The following CNTNAP2 variants were observed in gnomAD, a reference collection of about 807,000 sequenced individuals.
CNTNAP2 encodes contactin associated protein 2.
In CNTNAP2, 98 loss-of-function variants were observed where a neutral mutation model predicts 155.2. The observed-to-expected ratio is 0.63, with a 90% CI of 0.54 to 0.75. The LOEUF is 0.75. Ranked by LOEUF, CNTNAP2 falls within the 30% of genes least tolerant of loss-of-function variation. The pLI is 0.00. For synonymous variants in CNTNAP2, 651 were observed against 631.2 expected (o/e 1.03, Z -0.47); for missense variants, 1,727 against 1,688.1 (o/e 1.02, Z -0.40).
At chr7:147,273,769 A>G (rs1584836416) in intron 8 of CNTNAP2, among the ~76,000 whole-genome samples, 1 of 147,006 alleles carries the variant, frequency 6.8e-6, no homozygotes, top group Non-Finnish European at 1.5e-5. Flanking sequence ...TATTTTATAC[A>G]TATATATTTA....
At chr7:147,359,978 A>C (rs2116893814) in intron 9 of CNTNAP2, among the ~76,000 whole-genome samples, 1 of 152,296 alleles carries the variant, frequency 6.6e-6, no homozygotes, top group African/African-American at 2.4e-5. Context: ...GAAAGTTCAA[A>C]GAATTTTGTC....
At chr7:147,506,672 C>T (rs759402921) in intron 11 of CNTNAP2, among the ~76,000 whole-genome samples, 2 of 152,132 alleles carry the variant, frequency 1.3e-5, no homozygotes, top group Non-Finnish European at 2.9e-5. Flanking sequence ...TAGTTAGTTG[C>T]CCGGAAGGTG....
chr7:147,185,678 T>C (rs749442852), intron 8 of CNTNAP2, among the ~76,000 whole-genome samples: 8 of 152,190 alleles, frequency 5.3e-5, no homozygotes, highest in Admixed American at 2.0e-4. Context: ...ACTATTTTTA[T>C]AAAACTCAAA....
intron 10 of CNTNAP2, among the ~76,000 whole-genome samples, chr7:147,446,935 G>A (rs1411063340): frequency 6.6e-6 from 1 of 152,184 alleles, no homozygotes; most frequent in Non-Finnish European, 1.5e-5. Context: ...GATGGTTTAT[G>A]GATGAAGAGA....
chr7:146,516,042 C>A (rs79074833), intron 1 of CNTNAP2, among the ~76,000 whole-genome samples: 9,781 of 151,986 alleles, frequency 0.064, 775 homozygotes, highest in African/African-American at 0.19. Context: ...AATCTTAACA[C>A]CACATTTTTT....
chr7:147,131,148 G>GTT (rs1257258651), intron 7 of CNTNAP2, among the ~76,000 whole-genome samples: 1 of 145,344 alleles, frequency 6.9e-6, no homozygotes, highest in African/African-American at 2.6e-5. Flanking sequence ...ACATATACAT[G>GTT]TACCATATAC....
chr7:148,181,664 C>G (rs2116704432), intron 18 of CNTNAP2, among the ~76,000 whole-genome samples: 1 of 142,932 alleles, frequency 7.0e-6, no homozygotes, highest in South Asian at 2.2e-4. Flanking sequence ...GTAAACTGTT[C>G]TAAATCTAAT....
intron 1 of CNTNAP2, among the ~76,000 whole-genome samples, chr7:146,293,158 A>T (rs1800459328): frequency 6.6e-6 from 1 of 152,170 alleles, no homozygotes; most frequent in South Asian, 2.1e-4. Flanking sequence ...AAATGAAATA[A>T]AATTGGATTT....
At chr7:146,890,628 A>G (rs1795755681) in intron 3 of CNTNAP2, among the ~76,000 whole-genome samples, 1 of 152,214 alleles carries the variant, frequency 6.6e-6, no homozygotes, top group African/African-American at 2.4e-5. Flanking sequence ...ATCATGAGCT[A>G]AAAAACAAGT....
chr7:146,594,724 C>T (rs1015250094), intron 1 of CNTNAP2, among the ~76,000 whole-genome samples: 12 of 152,030 alleles, frequency 7.9e-5, no homozygotes, highest in Non-Finnish European at 2.9e-5. Flanking sequence ...TGTAATTTTG[C>T]GTCCTCTCAT....
chr7:146,384,559 A>G (rs1795433970), intron 1 of CNTNAP2, among the ~76,000 whole-genome samples: 1 of 152,232 alleles, frequency 6.6e-6, no homozygotes, highest in Non-Finnish European at 1.5e-5. Context: ...GTAGTTAAAT[A>G]TTTGAAAATA....
At chr7:146,979,646 G>C (rs1797976530) in intron 3 of CNTNAP2, among the ~76,000 whole-genome samples, 1 of 152,142 alleles carries the variant, frequency 6.6e-6, no homozygotes, top group African/African-American at 2.4e-5. Flanking sequence ...TATGAGCAGT[G>C]TTGAGCCATA....
intron 13 of CNTNAP2, among the ~76,000 whole-genome samples, chr7:147,685,658 A>T (rs1048766439): frequency 6.6e-6 from 1 of 152,008 alleles, no homozygotes; most frequent in African/African-American, 2.4e-5. Context: ...AGGGGGAATA[A>T]AAAAACAGAA....
At chr7:147,415,871 G>T (rs937539688) in intron 10 of CNTNAP2, among the ~76,000 whole-genome samples, 3 of 152,148 alleles carry the variant, frequency 2.0e-5, no homozygotes, top group Non-Finnish European at 2.9e-5. Flanking sequence ...AAGGTGCATG[G>T]TCACCTTACC....
intron 1 of CNTNAP2, among the ~76,000 whole-genome samples, chr7:146,615,730 G>T (rs1360733844): frequency 6.6e-6 from 1 of 152,174 alleles, no homozygotes; most frequent in East Asian, 1.9e-4. Context: ...CAGCTTTGTG[G>T]ATCAATATCC....
chr7:146,653,392 G>A (rs1246969270), intron 1 of CNTNAP2, among the ~76,000 whole-genome samples: 2 of 152,104 alleles, frequency 1.3e-5, no homozygotes, highest in African/African-American at 2.4e-5. Context: ...TAGCGAACAA[G>A]ACATTCATGG....
chr7:148,184,108 T>C (rs1331824278), intron 18 of CNTNAP2, among the ~76,000 whole-genome samples: 3 of 152,134 alleles, frequency 2.0e-5, no homozygotes, highest in African/African-American at 4.8e-5. Context: ...AAAGATAACT[T>C]TAAAGATACA....
chr7:147,516,605 A>G (rs1197726328), intron 11 of CNTNAP2, among the ~76,000 whole-genome samples: 2 of 114,670 alleles, frequency 1.7e-5, no homozygotes, highest in Non-Finnish European at 3.7e-5. Context: ...TGTATGAGAC[A>G]GAGAGAGAGA....
intron 22 of CNTNAP2, among the ~76,000 whole-genome samples, chr7:148,403,184 C>T (rs1799628520): frequency 6.6e-6 from 1 of 150,552 alleles, no homozygotes; most frequent in African/African-American, 2.5e-5. Flanking sequence ...CTCCCATCAT[C>T]AATTCCTCCA....
Sources: allele counts gnomAD v4.1 joint callset (sites outside exome capture counted in the v4.1 genomes callset), GRCh38; gene constraint gnomAD v4.1.1; transcripts MANE v1.5; gene names NCBI Gene and HGNC (gene_info 2026-07-23, HGNC 2026-07-21).